KCTD16: variants seen among roughly 807,000 people sequenced by gnomAD.
KCTD16 encodes the protein BTB/POZ domain-containing protein KCTD16.
Under a neutral mutation model 33.2 loss-of-function variants are expected in KCTD16, and 13 were observed. The observed-to-expected ratio is 0.39, with a 90% CI of 0.25 to 0.62. KCTD16 has a LOEUF of 0.62. Ranked by LOEUF, KCTD16 falls within the 20% of genes least tolerant of loss-of-function variation. The probability of loss-of-function intolerance (pLI) is 0.50; values close to 1 mark genes in which losing one functional copy is unlikely to be tolerated. For missense variants in KCTD16, 441 were observed against 525.1 expected, an observed-to-expected ratio of 0.84 and a Z score of 1.57; for synonymous variants, 197 against 195.3, an observed-to-expected ratio of 1.01 and a Z score of -0.07.
chr5:144,189,482 T>G, intron 2 of KCTD16, among the ~76,000 whole-genome samples: 2 of 132,908 alleles, frequency 1.5e-5, no homozygotes, highest in Admixed American at 8.2e-5. Context: ...GGTGACAGAG[T>G]GAGACTCCAT....
intron 3 of KCTD16, among the ~76,000 whole-genome samples, chr5:144,327,241 A>T (rs1314045880): frequency 6.6e-6 from 1 of 152,108 alleles, no homozygotes; most frequent in African/African-American, 2.4e-5. Context: ...TGGAATTTGG[A>T]TATTATTTCT....
intron 3 of KCTD16, among the ~76,000 whole-genome samples, chr5:144,225,282 C>T (rs1356289677): frequency 1.3e-5 from 2 of 152,054 alleles, no homozygotes; most frequent in Admixed American, 6.6e-5. Context: ...ACAATTTTCT[C>T]ATGATACAGC....
intron 3 of KCTD16, among the ~76,000 whole-genome samples, chr5:144,245,336 A>T (rs1754520148): frequency 6.6e-6 from 1 of 152,220 alleles, no homozygotes; most frequent in Non-Finnish European, 1.5e-5. Flanking sequence ...TAGAGGGTTT[A>T]ACCTCATCAG....
At chr5:144,272,391 T>C (rs974594588) in intron 3 of KCTD16, among the ~76,000 whole-genome samples, 3 of 151,926 alleles carry the variant, frequency 2.0e-5, no homozygotes, top group Non-Finnish European at 2.9e-5. Context: ...GGTTGCACCA[T>C]TGGACTCCAG....
intron 3 of KCTD16, among the ~76,000 whole-genome samples, chr5:144,363,767 C>G (rs959097086): frequency 5.3e-5 from 8 of 152,170 alleles, no homozygotes; most frequent in African/African-American, 1.9e-4. Context: ...AGTGTGACAC[C>G]TCCCAGAGAT....
chr5:144,342,530 A>G (rs1752674033), intron 3 of KCTD16, among the ~76,000 whole-genome samples: 1 of 152,176 alleles, frequency 6.6e-6, no homozygotes, highest in Non-Finnish European at 1.5e-5. Context: ...GCACACAGGG[A>G]CAATTTGACT....
chr5:144,227,117 A>G (rs1365433395), intron 3 of KCTD16, among the ~76,000 whole-genome samples: 3 of 152,228 alleles, frequency 2.0e-5, no homozygotes, highest in Non-Finnish European at 4.4e-5. Context: ...AGAGATGGAT[A>G]ATAAACAGCA....
At chr5:144,205,476 G>A (rs1019123772) in intron 2 of KCTD16, 1 of 398,826 alleles carries the variant, frequency 2.5e-6, no homozygotes. Context: ...GCATCTCTGC[G>A]CTGCGTTGGC....
At chr5:144,179,461 G>A (rs996053434) in intron 2 of KCTD16, among the ~76,000 whole-genome samples, 5 of 152,120 alleles carry the variant, frequency 3.3e-5, no homozygotes, top group African/African-American at 1.2e-4. Context: ...CCCTGCATGC[G>A]TGCAGGCTCC....
At chr5:144,175,665 T>C (rs1343180651) in intron 2 of KCTD16, among the ~76,000 whole-genome samples, 1 of 152,232 alleles carries the variant, frequency 6.6e-6, no homozygotes, top group Admixed American at 6.5e-5. Flanking sequence ...TCTGTACTAC[T>C]TACTTGCCAT....
intron 3 of KCTD16, among the ~76,000 whole-genome samples, chr5:144,282,539 G>C (rs1755634309): frequency 6.6e-6 from 1 of 152,142 alleles, no homozygotes; most frequent in Non-Finnish European, 1.5e-5. Flanking sequence ...AGAAGTATAG[G>C]TGACAACCTA....
intron 3 of KCTD16, among the ~76,000 whole-genome samples, chr5:144,319,453 T>A (rs544979248): frequency 6.6e-5 from 10 of 152,224 alleles, no homozygotes; most frequent in Admixed American, 6.5e-4. Context: ...TTAAAAATAT[T>A]CCAACATGTT....
At chr5:144,274,741 T>C (rs1286703238) in intron 3 of KCTD16, among the ~76,000 whole-genome samples, 1 of 152,194 alleles carries the variant, frequency 6.6e-6, no homozygotes, top group Admixed American at 6.5e-5. Context: ...GTATGTTCTT[T>C]TCTTATAATG....
At chr5:144,187,062 G>A (rs923586012) in intron 2 of KCTD16, among the ~76,000 whole-genome samples, 18 of 152,128 alleles carry the variant, frequency 1.2e-4, no homozygotes, top group African/African-American at 4.1e-4. Context: ...GGGCTTTTCA[G>A]TTCCTAAATT....
intron 3 of KCTD16, among the ~76,000 whole-genome samples, chr5:144,294,681 C>T (rs141832823): frequency 6.6e-6 from 1 of 152,250 alleles, no homozygotes; most frequent in Non-Finnish European, 1.5e-5. Flanking sequence ...GGCAAAATAG[C>T]TCAGTTAGAG....
chr5:144,288,996 A>T (rs181772461), intron 3 of KCTD16, among the ~76,000 whole-genome samples: 6 of 152,256 alleles, frequency 3.9e-5, no homozygotes, highest in African/African-American at 9.6e-5. Context: ...CCTGGGCAAC[A>T]ATAGTGAAAC....
At chr5:144,254,671 T>A (rs551339789) in intron 3 of KCTD16, among the ~76,000 whole-genome samples, 4 of 152,188 alleles carry the variant, frequency 2.6e-5, no homozygotes, top group Non-Finnish European at 4.4e-5. Context: ...AACTTTTAAT[T>A]TCCCCCTCCC....
At chr5:144,209,793 T>A (rs1394575949) in intron 3 of KCTD16, among the ~76,000 whole-genome samples, 1 of 146,136 alleles carries the variant, frequency 6.8e-6, no homozygotes, top group Non-Finnish European at 1.5e-5. Flanking sequence ...GGGAAATATA[T>A]ATATATATAT....
In KCTD16 at chr5:144,364,538, A is replaced by G. The variant is rs575653886; in HGVS notation, c.833-109122A>G. Among the ~76,000 whole-genome samples the G allele has an allele frequency of 5.3e-5, 8 of 152,282 alleles. No individual in the cohort carries two copies. In the East Asian group the frequency reaches 1.5e-3, roughly 29 times the overall value. On this transcript the variant is annotated intron_variant, in intron 3 of 3. Coordinates refer to ENST00000512467, the MANE Select transcript of KCTD16 (RefSeq NM_020768.4). The stretch of plus-strand genomic sequence containing the variant: ...ACTAGATTCTGAAAAATAAAGTGGG[A>G]CTTATTAATGTGTAACTACATAGTC...
Sources: allele counts gnomAD v4.1 joint callset (sites outside exome capture counted in the v4.1 genomes callset), GRCh38; gene constraint gnomAD v4.1.1; transcripts MANE v1.5; gene names NCBI Gene and HGNC (gene_info 2026-07-23, HGNC 2026-07-21).